Variants in CELF1 observed in about 807,000 individuals in gnomAD.
CELF1 encodes CUGBP Elav-like family member 1.
Under a neutral mutation model 61.8 loss-of-function variants are expected in CELF1, and 10 were observed. That is an observed-to-expected ratio of 0.16 (90% confidence interval 0.10 to 0.27). The LOEUF is 0.27. Ranked by LOEUF, CELF1 falls within the 10% of genes least tolerant of loss-of-function variation. The pLI, the probability that CELF1 is intolerant of heterozygous loss-of-function variation, is 1.00. For synonymous variants in CELF1, 236 were observed against 225.1 expected (o/e 1.05, Z -0.43); for missense variants, 380 against 639.1 (o/e 0.59, Z 4.37).
intron 1 of CELF1, among the ~76,000 whole-genome samples, chr11:47,548,307 A>C (rs991396078): frequency 1.3e-5 from 2 of 152,092 alleles, no homozygotes; most frequent in Admixed American, 6.6e-5. Flanking sequence ...TCAAAAAAAA[A>C]GGTTAAAACA....
intron 3 of CELF1, among the ~76,000 whole-genome samples, chr11:47,493,895 C>T (rs1161708395): frequency 6.6e-6 from 1 of 152,194 alleles, no homozygotes; most frequent in Non-Finnish European, 1.5e-5. Flanking sequence ...TTCCAATATG[C>T]ATGTTGTCAT....
intron 4 of CELF1, among the ~76,000 whole-genome samples, chr11:47,487,910 T>C (rs1489462851): frequency 6.6e-6 from 1 of 152,228 alleles, no homozygotes; most frequent in Non-Finnish European, 1.5e-5. Flanking sequence ...TTAAATGTTC[T>C]GACACTCCCA....
intron 1 of CELF1, among the ~76,000 whole-genome samples, chr11:47,546,236 CT>C (rs11315629): frequency 0.89 from 70,818 of 79,146 alleles, 31,797 homozygotes; most frequent in East Asian, 0.98. Context: ...CTCTCAGTAT[CT>C]TTTTTTTTTT....
At chr11:47,528,798 G>C (rs1444086253) in intron 1 of CELF1, among the ~76,000 whole-genome samples, 2 of 151,848 alleles carry the variant, frequency 1.3e-5, no homozygotes, top group Non-Finnish European at 2.9e-5. Context: ...GCTGAGGCAG[G>C]AGGATCATTT....
chr11:47,546,474 G>A (rs527992698), intron 1 of CELF1, among the ~76,000 whole-genome samples: 2 of 151,806 alleles, frequency 1.3e-5, no homozygotes, highest in Admixed American at 6.6e-5. Context: ...CAGATGATCC[G>A]CCCACCCTGG....
chr11:47,563,549 C>T (rs1481238394), intron 2 of CELF1, among the ~76,000 whole-genome samples: 1 of 152,006 alleles, frequency 6.6e-6, no homozygotes, highest in Non-Finnish European at 1.5e-5. Context: ...ATTAGCCAGG[C>T]ATGGTGGCGG....
Position 47,476,970 on chromosome 11 carries a change from G to C in CELF1, c.974-11C>G, listed in dbSNP as rs754196798. On this transcript the variant is annotated splice_polypyrimidine_tract_variant and intron_variant, in intron 11 of 14. Coordinates refer to ENST00000687097, the MANE Select transcript of CELF1 (RefSeq NM_001376376.1). ...TAGGTGAGGACCCTGCTATTAGAAAGCAAGGAGTTAAAATTCAACCCATCA... is the reference window on the plus strand; with the variant it reads ...TAGGTGAGGACCCTGCTATTAGAAACCAAGGAGTTAAAATTCAACCCATCA... 1 of 1,605,022 alleles carries C rather than the reference G, an allele frequency of 6.2e-7. No homozygotes were observed. The highest frequency in any genetic ancestry group is 2.2e-5 in the East Asian group (1 of 44,850).
intron 9 of CELF1, chr11:47,482,461 T>C: frequency 3.0e-6 from 1 of 334,838 alleles, no homozygotes; most frequent in Non-Finnish European, 5.3e-6. Flanking sequence ...GGAATTCACT[T>C]TAGTTGCAGC....
chr11:47,499,116 CAA>C, intron 3 of CELF1, among the ~76,000 whole-genome samples: 1 of 152,010 alleles, frequency 6.6e-6, no homozygotes, highest in South Asian at 2.1e-4. Context: ...ATGTCCAACC[CAA>C]AGCGACAATG....
intron 4 of CELF1, among the ~76,000 whole-genome samples, chr11:47,488,210 T>TA (rs2088894380): frequency 6.6e-6 from 1 of 152,220 alleles, no homozygotes; most frequent in South Asian, 2.1e-4. Context: ...TGTGTGTATA[T>TA]ACGGGGCAAA....
chr11:47,515,068 T>C lies in CELF1; in HGVS notation c.-153-14136A>G, dbSNP rs143179925. The stretch of plus-strand genomic sequence containing the variant: ...AGTACTGTCAACAATGGACAACAAA[T>C]TGCTGGATGCAGCAGTAGCAATTTA... On this transcript the variant is annotated intron_variant, in intron 1 of 14. Transcript: ENST00000687097. Among the ~76,000 whole-genome samples the C allele has an allele frequency of 8.0e-3, 1,219 of 152,334 alleles. 14 individuals carry two copies. Among genetic ancestry groups the C allele is most frequent in the African/African-American group, 0.027 (1,137 of 41,572 alleles).
At chr11:47,546,276 CGGGGGA>C (rs2096948349) in intron 1 of CELF1, among the ~76,000 whole-genome samples, 1 of 27,658 alleles carries the variant, frequency 3.6e-5, no homozygotes, top group Non-Finnish European at 7.2e-5. Context: ...GGGGCGGGGG[CGGGGGA>C]GGGAATGGAG....
At chr11:47,495,655 T>A (rs563964222) in intron 3 of CELF1, among the ~76,000 whole-genome samples, 1 of 152,258 alleles carries the variant, frequency 6.6e-6, no homozygotes, top group South Asian at 2.1e-4. Flanking sequence ...GAGGTACATG[T>A]AGAGTGAGCA....
intron 3 of CELF1, among the ~76,000 whole-genome samples, chr11:47,489,420 T>C (rs2089757428): frequency 6.6e-6 from 1 of 152,232 alleles, no homozygotes. Context: ...AACAAAGGAC[T>C]ATTGATTACA....
At chr11:47,524,500 AAAC>A (rs1017915796) in intron 1 of CELF1, 4 of 152,266 alleles carry the variant, frequency 2.6e-5, no homozygotes, top group African/African-American at 7.2e-5. Flanking sequence ...GAACACAGCA[AAAC>A]AACAAAGACA....
intron 1 of CELF1, among the ~76,000 whole-genome samples, chr11:47,502,614 T>G (rs1300693293): frequency 1.3e-5 from 2 of 151,918 alleles, no homozygotes; most frequent in African/African-American, 2.4e-5. Context: ...AGGTGGATCA[T>G]GAGGTCAGGA....
At chr11:47,489,761 C>T (rs1014139263) in intron 3 of CELF1, among the ~76,000 whole-genome samples, 2 of 151,996 alleles carry the variant, frequency 1.3e-5, no homozygotes, top group South Asian at 2.1e-4. Context: ...TTAACGATCC[C>T]AAGTTTCTCT....
chr11:47,493,705 A>G (rs890427156), intron 3 of CELF1, among the ~76,000 whole-genome samples: 9 of 150,770 alleles, frequency 6.0e-5, no homozygotes, highest in African/African-American at 2.2e-4. Context: ...CATCATTCTC[A>G]TTGCATTTTA....
intron 1 of CELF1, among the ~76,000 whole-genome samples, chr11:47,504,902 CAAAAA>C (rs374401044): frequency 5.6e-5 from 6 of 107,926 alleles, no homozygotes; most frequent in African/African-American, 1.8e-4. Context: ...ACTCTGTCAC[CAAAAA>C]AAAAAAAAAA....
Sources: allele counts gnomAD v4.1 joint callset (sites outside exome capture counted in the v4.1 genomes callset), GRCh38; gene constraint gnomAD v4.1.1; transcripts MANE v1.5; gene names NCBI Gene and HGNC (gene_info 2026-07-23, HGNC 2026-07-21).